AK4: variants seen among roughly 807,000 people sequenced by gnomAD.
AK4 encodes adenylate kinase 4.
Under a neutral mutation model 24.6 loss-of-function variants are expected in AK4, and 13 were observed. That is an observed-to-expected ratio of 0.53 (90% CI 0.34 to 0.84). The LOEUF (loss-of-function observed/expected upper bound fraction) is 0.84. AK4 is among the 40% of genes least tolerant of loss of function. The pLI is 0.01. For synonymous variants in AK4, 88 were observed against 107.0 expected (o/e 0.82, Z 1.10); for missense variants, 192 against 288.2 (o/e 0.67, Z 2.42).
chr1:65,177,301 A>G (rs1650751352), intron 1 of AK4, among the ~76,000 whole-genome samples: 2 of 152,346 alleles, frequency 1.3e-5, no homozygotes, highest in East Asian at 3.9e-4. Context: ...GAGTAGGATT[A>G]TAGTCTTTAC....
chr1:65,185,994 G>A (rs1651086651), intron 1 of AK4, among the ~76,000 whole-genome samples: 1 of 151,962 alleles, frequency 6.6e-6, no homozygotes, highest in Non-Finnish European at 1.5e-5. Context: ...GGTGAGGTTG[G>A]GCCATATTTG....
At chr1:65,194,609 G>C (rs1344997760) in intron 2 of AK4, among the ~76,000 whole-genome samples, 1 of 152,128 alleles carries the variant, frequency 6.6e-6, no homozygotes, top group Non-Finnish European at 1.5e-5. Flanking sequence ...CTATAGGCAT[G>C]TGCCACCATG....
chr1:65,171,603 C>A (rs1188893981), intron 1 of AK4, among the ~76,000 whole-genome samples: 3 of 152,020 alleles, frequency 2.0e-5, no homozygotes, highest in Admixed American at 6.6e-5. Context: ...CTGTGCCCAG[C>A]CAATAGTTGC....
intron 2 of AK4, among the ~76,000 whole-genome samples, chr1:65,207,178 A>C (rs1231755985): frequency 6.6e-6 from 1 of 151,986 alleles, no homozygotes; most frequent in African/African-American, 2.4e-5. Context: ...TAGGTTTTTA[A>C]AGTCTTTTTC....
At chr1:65,161,445 A>G (rs1650157946) in intron 1 of AK4, among the ~76,000 whole-genome samples, 1 of 152,174 alleles carries the variant, frequency 6.6e-6, no homozygotes, top group South Asian at 2.1e-4. Context: ...TGGGGGTCAT[A>G]GACAAGGCAG....
chr1:65,202,354 G>A (rs1483842964), intron 2 of AK4, among the ~76,000 whole-genome samples: 4 of 152,206 alleles, frequency 2.6e-5, no homozygotes, highest in African/African-American at 9.6e-5. Flanking sequence ...CTGAGATCGC[G>A]CCACTGCACT....
chr1:65,219,626 G>T (rs912826657), intron 3 of AK4, among the ~76,000 whole-genome samples: 2 of 151,998 alleles, frequency 1.3e-5, no homozygotes, highest in African/African-American at 4.8e-5. Flanking sequence ...ATAAGCTTTA[G>T]GTTTACATAA....
Position 65,190,792 on chromosome 1 carries a change from G to T in AK4, c.228G>T (p.Glu76Asp). 1 of 1,614,178 alleles carries T rather than the reference G, an allele frequency of 6.2e-7. No individual in the cohort carries two copies. The highest frequency in any genetic ancestry group is 8.5e-7 in the Non-Finnish European group (1 of 1,180,010). ...TGATCACACGCCTAATGATGTCCGA[G>T]TTGGAGAACAGGCGTGGCCAGCACT... ...DHVITRLMMS[E>D]LENRRGQHWL... The change falls in exon 2 of 5, where the codon GAG becomes GAT. Residue 76 changes from glutamate (E) to aspartate (D), a missense_variant. Transcript: ENST00000327299.
chr1:65,206,568 C>G (rs953434524), intron 2 of AK4, among the ~76,000 whole-genome samples: 3 of 152,214 alleles, frequency 2.0e-5, no homozygotes, highest in African/African-American at 7.2e-5. Flanking sequence ...ACCCCATCTG[C>G]GTGTGCGTGT....
intron 1 of AK4, among the ~76,000 whole-genome samples, chr1:65,183,890 A>T (rs756308997): frequency 1.1e-4 from 16 of 152,150 alleles, no homozygotes; most frequent in Non-Finnish European, 7.3e-5. Context: ...CAGTCTGTTG[A>T]TATAAATGTG....
intron 2 of AK4, among the ~76,000 whole-genome samples, chr1:65,191,519 A>C (rs1651304964): frequency 6.6e-6 from 1 of 151,234 alleles, no homozygotes; most frequent in Non-Finnish European, 1.5e-5. Context: ...TGGTCCTCAG[A>C]TAGATGAGTG....
chr1:65,184,622 C>G (rs1022232962), intron 1 of AK4, among the ~76,000 whole-genome samples: 88 of 152,164 alleles, frequency 5.8e-4, no homozygotes, highest in African/African-American at 2.1e-3. Flanking sequence ...TGGAATACTG[C>G]TTCAGAAATT....
Position 65,181,015 on chromosome 1 carries a change from A to G in AK4, c.146-9695A>G, listed in dbSNP as rs79300672. 9.6e-3 allele frequency among the ~76,000 whole-genome samples: 1,460 copies of G among 151,840 alleles called. 25 individuals carry two copies. Among genetic ancestry groups the G allele is most frequent in the African/African-American group, 0.034 (1,404 of 41,372 alleles). ...TAGAACAATGAAAAGAACATTGAGT[A>G]ATTATCTCTTTCTGGTGACTTAGCC... On this transcript the variant is annotated intron_variant, in intron 1 of 4. Coordinates refer to ENST00000327299, the MANE Select transcript of AK4 (RefSeq NM_013410.4).
chr1:65,185,880 G>T (rs552667036), intron 1 of AK4, among the ~76,000 whole-genome samples: 1 of 151,746 alleles, frequency 6.6e-6, no homozygotes, highest in South Asian at 2.1e-4. Flanking sequence ...CTCCCAAAGT[G>T]CTGGGATTAC....
At chr1:65,176,535 G>A (rs1268955143) in intron 1 of AK4, among the ~76,000 whole-genome samples, 1 of 152,032 alleles carries the variant, frequency 6.6e-6, no homozygotes, top group African/African-American at 2.4e-5. Context: ...CGTGAATGCC[G>A]GGAGACTCTC....
chr1:65,156,392 TAAGA>T (rs1195599276), intron 1 of AK4, among the ~76,000 whole-genome samples: 1 of 152,214 alleles, frequency 6.6e-6, no homozygotes, highest in African/African-American at 2.4e-5. Flanking sequence ...GTATTGCACT[TAAGA>T]AAAACTTAGC....
intron 2 of AK4, among the ~76,000 whole-genome samples, chr1:65,200,587 A>G (rs1651632448): frequency 6.6e-6 from 1 of 152,216 alleles, no homozygotes; most frequent in Non-Finnish European, 1.5e-5. Context: ...CAGACTTTGT[A>G]TCTAGCTGCT....
In AK4 at chr1:65,148,235, T is replaced by C; in HGVS notation, c.-173T>C. 3 of 1,242,828 alleles carry C rather than the reference T, an allele frequency of 2.4e-6. No homozygotes were observed. The highest frequency in any genetic ancestry group is 3.2e-6 in the Non-Finnish European group (3 of 930,848). The allele number at this position is 1,242,828 out of a possible 1,614,324, so 77.0% of individuals were successfully genotyped here. ...CTGCTACTCGGTCCCGGCGCTGGGC[T>C]GAGGGGAGGGGTTGTCTTAAAAGTC... On this transcript the variant is annotated 5_prime_UTR_variant, in exon 1 of 5. Transcript: ENST00000327299.
chr1:65,183,577 C>T (rs1456383553), intron 1 of AK4, among the ~76,000 whole-genome samples: 2 of 151,512 alleles, frequency 1.3e-5, no homozygotes, highest in Non-Finnish European at 2.9e-5. Flanking sequence ...TCATTCAGTC[C>T]CTGCAGTGTT....
Sources: allele counts gnomAD v4.1 joint callset (sites outside exome capture counted in the v4.1 genomes callset), GRCh38; gene constraint gnomAD v4.1.1; transcripts MANE v1.5; gene names NCBI Gene and HGNC (gene_info 2026-07-23, HGNC 2026-07-21).